Variants in ZMYM2 observed in about 807,000 individuals in gnomAD.
ZMYM2 encodes zinc finger MYM-type protein 2.
Under a neutral mutation model 162.8 loss-of-function variants are expected in ZMYM2, and 56 were observed. The observed-to-expected ratio is 0.34, with a 90% CI of 0.28 to 0.43. ZMYM2 has a LOEUF of 0.43. Ranked by LOEUF, ZMYM2 falls within the 20% of genes least tolerant of loss-of-function variation. The pLI, the probability that ZMYM2 is intolerant of heterozygous loss-of-function variation, is 1.00. For missense variants in ZMYM2, 1,275 were observed against 1,621.8 expected, an observed-to-expected ratio of 0.79 and a Z score of 3.67; for synonymous variants, 510 against 541.6, an observed-to-expected ratio of 0.94 and a Z score of 0.81.
At chr13:20,024,025 C>T (rs1261472510) in intron 7 of ZMYM2, among the ~76,000 whole-genome samples, 1 of 151,758 alleles carries the variant, frequency 6.6e-6, no homozygotes, top group African/African-American at 2.4e-5. Flanking sequence ...GCCTCTGCCT[C>T]CCAGGTTCAA....
chr13:19,992,324 C>A (rs188885719), intron 2 of ZMYM2, among the ~76,000 whole-genome samples: 4 of 152,070 alleles, frequency 2.6e-5, no homozygotes, highest in Admixed American at 2.6e-4. Context: ...AGGCTGAGGC[C>A]GAGTTCAGGG....
At chr13:19,882,257 T>A in the ZMYM2 span, among the ~76,000 whole-genome samples, 2 of 152,094 alleles carry the variant, frequency 1.3e-5, no homozygotes, top group African/African-American at 2.4e-5. Context: ...AATGGGAGAA[T>A]ATATTTGCAA....
chr13:20,031,841 A>G (rs979694830), intron 10 of ZMYM2, among the ~76,000 whole-genome samples: 2 of 149,570 alleles, frequency 1.3e-5, no homozygotes, highest in African/African-American at 4.9e-5. Flanking sequence ...ATTGTCATTT[A>G]TAAAATGATA....
chr13:20,070,359 C>T, intron 21 of ZMYM2: 1 of 205,786 alleles, frequency 4.9e-6, no homozygotes. Context: ...TGGTTCCTTG[C>T]ATTTATTCAT....
intron 6 of ZMYM2, among the ~76,000 whole-genome samples, chr13:20,008,771 T>TA (rs1397267971): frequency 6.6e-6 from 1 of 152,224 alleles, no homozygotes; most frequent in Non-Finnish European, 1.5e-5. Flanking sequence ...GTATCAGTGT[T>TA]ACATTTGCTT....
chr13:20,088,185 A>C lies in ZMYM2; in HGVS notation c.*2171A>C, dbSNP rs1958378049. On this transcript the variant is annotated 3_prime_UTR_variant, in exon 25 of 25. Transcript: ENST00000610343. Reference sequence around the variant, plus strand: ...GAGCTCTTGTCTTTGTCTTGATTGCAATCCAACGATAGATTAACTTGATTC... The same window carrying C: ...GAGCTCTTGTCTTTGTCTTGATTGCCATCCAACGATAGATTAACTTGATTC... 4.8e-6 allele frequency: 1 copy of C among 206,470 alleles called. No homozygotes were observed. The highest frequency in any genetic ancestry group is 9.9e-6 in the Non-Finnish European group (1 of 100,986). The allele number at this position is 206,470 out of a possible 1,614,324, so 12.8% of individuals were successfully genotyped here. A position where few individuals can be genotyped will look rare whatever the true frequency, so the allele number is the denominator to read the frequency against.
chr13:20,005,862 A>G (rs1390185245), intron 5 of ZMYM2, among the ~76,000 whole-genome samples: 2 of 152,168 alleles, frequency 1.3e-5, no homozygotes, highest in Non-Finnish European at 2.9e-5. Flanking sequence ...GTTTGTAGTG[A>G]TGTCACTGAT....
At chr13:19,944,660 CTCCTTCCATG>C in the ZMYM2 span, among the ~76,000 whole-genome samples, 2 of 152,050 alleles carry the variant, frequency 1.3e-5, no homozygotes, top group Non-Finnish European at 2.9e-5. Flanking sequence ...TCAATCACCT[CTCCTTCCATG>C]TCCTATTTAT....
At chr13:19,987,440 T>G (rs1250431954) in intron 2 of ZMYM2, among the ~76,000 whole-genome samples, 6 of 152,044 alleles carry the variant, frequency 3.9e-5, no homozygotes, top group African/African-American at 1.2e-4. Context: ...ATTTTTTGTA[T>G]TTTTGGTAGA....
intron 3 of ZMYM2, among the ~76,000 whole-genome samples, chr13:20,000,365 G>A (rs1950304751): frequency 6.6e-6 from 1 of 152,230 alleles, no homozygotes; most frequent in African/African-American, 2.4e-5. Context: ...GTTGTAGCAA[G>A]TTCTCCAGAA....
At chr13:20,019,340 T>C (rs1015851341) in intron 6 of ZMYM2, among the ~76,000 whole-genome samples, 2 of 152,132 alleles carry the variant, frequency 1.3e-5, no homozygotes, top group African/African-American at 4.8e-5. Context: ...CATCATACCA[T>C]TTTTTCTAAG....
intron 6 of ZMYM2, among the ~76,000 whole-genome samples, chr13:20,016,138 T>C (rs78065192): frequency 0.1 from 15,423 of 151,956 alleles, 1,294 homozygotes; most frequent in African/African-American, 0.22. Context: ...GTGCACTGTT[T>C]TGATTTCCTT....
intron 2 of ZMYM2, among the ~76,000 whole-genome samples, chr13:19,974,705 C>T (rs897280797): frequency 6.6e-6 from 1 of 152,042 alleles, no homozygotes; most frequent in African/African-American, 2.4e-5. Context: ...CTCCTGACCT[C>T]GTGATCCACC....
At chr13:19,925,763 C>T in the ZMYM2 span, among the ~76,000 whole-genome samples, 8 of 150,328 alleles carry the variant, frequency 5.3e-5, no homozygotes, top group African/African-American at 2.0e-4. Context: ...CCCAGTTACT[C>T]GGGAGGCTGA....
At chr13:19,908,887 AC>A in the ZMYM2 span, among the ~76,000 whole-genome samples, 1 of 152,208 alleles carries the variant, frequency 6.6e-6, no homozygotes. Context: ...ATAAAGTCTT[AC>A]TGTTATTACA....
chr13:19,885,946 TATATACAC>T, the ZMYM2 span, among the ~76,000 whole-genome samples: 527 of 119,902 alleles, frequency 4.4e-3, 168 homozygotes, highest in African/African-American at 0.019. Flanking sequence ...CATATATATG[TATATACAC>T]ATATATATGT....
chr13:20,013,353 C>T (rs1158080630), intron 6 of ZMYM2, among the ~76,000 whole-genome samples: 1 of 152,042 alleles, frequency 6.6e-6, no homozygotes, highest in East Asian at 1.9e-4. Flanking sequence ...TTATGAGTTT[C>T]TTGGTATTTT....
chr13:19,966,096 A>G (rs1266362450), intron 2 of ZMYM2, among the ~76,000 whole-genome samples: 2 of 148,808 alleles, frequency 1.3e-5, no homozygotes, highest in African/African-American at 2.5e-5. Context: ...TTATATATTT[A>G]TAATTCTATA....
At chr13:19,984,590 G>C (rs1948988072) in intron 2 of ZMYM2, among the ~76,000 whole-genome samples, 1 of 152,212 alleles carries the variant, frequency 6.6e-6, no homozygotes, top group Admixed American at 6.6e-5. Context: ...ATTGACTGGA[G>C]GTAGAAGAGT....
Sources: allele counts gnomAD v4.1 joint callset (sites outside exome capture counted in the v4.1 genomes callset), GRCh38; gene constraint gnomAD v4.1.1; transcripts MANE v1.5; gene names NCBI Gene and HGNC (gene_info 2026-07-23, HGNC 2026-07-21).